SGTB: variants seen among roughly 807,000 people sequenced by gnomAD.
The protein encoded by SGTB is small glutamine-rich tetratricopeptide repeat-containing protein beta.
In SGTB, 19 loss-of-function variants were observed where a neutral mutation model predicts 43.9. That is an observed-to-expected ratio of 0.43 (90% confidence interval 0.30 to 0.63). The LOEUF (loss-of-function observed/expected upper bound fraction) is 0.63, where lower values mean the gene tolerates loss of function less well. Among genes scored for constraint, SGTB ranks in the 30% least tolerant of loss-of-function variants. SGTB has a pLI of 0.12. For missense variants in SGTB, 304 were observed against 358.9 expected, an observed-to-expected ratio of 0.85 and a Z score of 1.24; for synonymous variants, 116 against 117.3, an observed-to-expected ratio of 0.99 and a Z score of 0.07.
chr5:65,673,234 A>T (rs1438787645), intron 8 of SGTB, among the ~76,000 whole-genome samples: 1 of 152,240 alleles, frequency 6.6e-6, no homozygotes, highest in East Asian at 1.9e-4. Flanking sequence ...AATCAAATAC[A>T]TAAAGCTTCA....
chr5:65,711,803 C>T (rs1290499542), intron 3 of SGTB, among the ~76,000 whole-genome samples: 1 of 152,214 alleles, frequency 6.6e-6, no homozygotes, highest in East Asian at 1.9e-4. Flanking sequence ...CTGGAAGATC[C>T]AGTCAAGTGT....
chr5:65,712,826 C>T, intron 3 of SGTB, 135 bp downstream of exon 3: 2 of 579,576 alleles, frequency 3.5e-6, no homozygotes, highest in Non-Finnish European at 3.0e-6. Context: ...CAATTATATC[C>T]ATATAGACAG....
chr5:65,674,001 A>T (rs1757215205), intron 8 of SGTB, among the ~76,000 whole-genome samples: 1 of 152,154 alleles, frequency 6.6e-6, no homozygotes, highest in Non-Finnish European at 1.5e-5. Context: ...CTCTTCCCTC[A>T]GCTTGCTGAT....
intron 6 of SGTB, among the ~76,000 whole-genome samples, chr5:65,682,647 G>A (rs1193261316): frequency 6.6e-6 from 1 of 152,206 alleles, no homozygotes; most frequent in Non-Finnish European, 1.5e-5. Context: ...CTGTGCATGG[G>A]ATAGATAACT....
rs1484025390 is a variant in SGTB at position 65,708,520 on chromosome 5, A to T, written c.243T>A (p.Asp81Glu). 13 of 1,613,482 alleles carry T rather than the reference A, an allele frequency of 8.1e-6. No homozygotes were observed. The highest frequency in any genetic ancestry group is 1.0e-5 in the Non-Finnish European group (12 of 1,179,860). Residue 81 changes from aspartate (D) to glutamate (E), a missense_variant, in exon 4 of 11, where the codon GAT becomes GAA. By Grantham distance (45) the Asp-to-Glu change is conservative. Transcript: ENST00000381007. ...VLPLSNSVPEDVGKADQLKDE... is the reference protein window; with the variant it reads ...VLPLSNSVPEEVGKADQLKDE... ...CTTTTAATTGGTCAGCTTTTCCCAC[A>T]TCTTCAGGCACTGAGTTTGAAAGGG...
intron 2 of SGTB, 48 bp downstream of exon 2, chr5:65,720,660 C>T: frequency 1.9e-6 from 3 of 1,577,210 alleles, no homozygotes; most frequent in Non-Finnish European, 2.6e-6. Context: ...CTATTTTAGT[C>T]TTCGTTTATA....
intron 4 of SGTB, among the ~76,000 whole-genome samples, chr5:65,706,108 G>A (rs1388910979): frequency 1.3e-5 from 2 of 152,052 alleles, no homozygotes; most frequent in Non-Finnish European, 2.9e-5. Context: ...AGAAACTAAT[G>A]CATTGTACCC....
chr5:65,701,009 C>CAAAAAAA (rs1161067337), intron 5 of SGTB, among the ~76,000 whole-genome samples: 2 of 16,084 alleles, frequency 1.2e-4, no homozygotes, highest in African/African-American at 3.8e-4. Context: ...GACTCCGTCT[C>CAAAAAAA]AAAAAAAAAA....
intron 5 of SGTB, among the ~76,000 whole-genome samples, chr5:65,686,846 T>G (rs1757509321): frequency 6.6e-6 from 1 of 152,222 alleles, no homozygotes; most frequent in Non-Finnish European, 1.5e-5. Context: ...GTGAGGATCC[T>G]TGCTAATCCT....
At position 65,705,026 on chromosome 5, in the gene SGTB, G is replaced by C. The variant is rs183729253; in HGVS notation, c.275-648C>G. 7.2e-5 allele frequency among the ~76,000 whole-genome samples: 11 copies of C among 152,340 alleles called. No individual in the cohort carries two copies. In the East Asian group the frequency reaches 2.1e-3, roughly 29 times the overall value. ...CTGATTTTCAGGAAGGGCATCTGCA[G>C]ATACATCTGGCAGTAATTTAGCTAA... On this transcript the variant is annotated intron_variant, in intron 4 of 10. Transcript: ENST00000381007.
In SGTB at chr5:65,710,378, C is replaced by A. The variant is rs754884984; in HGVS notation, c.205-1820G>T. On this transcript the variant is annotated intron_variant, in intron 3 of 10. Coordinates refer to ENST00000381007, the MANE Select transcript of SGTB (RefSeq NM_019072.3). ...CCTTCTAAATTATTTGCGAAAATTG[C>A]CACTGTTTTATACTTTGAAAACTAA... is the stretch of plus-strand genomic sequence containing the variant. 4.9e-4 allele frequency among the ~76,000 whole-genome samples: 74 copies of A among 152,228 alleles called. 1 individual carries two copies. Among genetic ancestry groups the A allele is most frequent in the Middle Eastern group, 3.4e-3 (1 of 294 alleles).
chr5:65,722,202 G>C (rs892379699), upstream of SGTB: 7 of 337,760 alleles, frequency 2.1e-5, no homozygotes, highest in Admixed American at 5.1e-5. Flanking sequence ...GGGCGGGGCT[G>C]GTAGGCGCCG....
At chr5:65,700,570 A>G (rs1282551798) in intron 5 of SGTB, among the ~76,000 whole-genome samples, 1 of 151,196 alleles carries the variant, frequency 6.6e-6, no homozygotes, top group East Asian at 2.0e-4. Flanking sequence ...AGTCCCAGCC[A>G]CTTGGGAGGC....
At chr5:65,703,522 T>G (rs941744092) in intron 5 of SGTB, among the ~76,000 whole-genome samples, 12 of 151,786 alleles carry the variant, frequency 7.9e-5, no homozygotes, top group Admixed American at 7.9e-4. Flanking sequence ...CCTGGCCAAC[T>G]TGAACAGTGA....
At chr5:65,684,528 G>A (rs1472819529) in intron 6 of SGTB, among the ~76,000 whole-genome samples, 1 of 152,090 alleles carries the variant, frequency 6.6e-6, no homozygotes, top group African/African-American at 2.4e-5. Context: ...CTTAAAGCAT[G>A]AGTGGAGGCA....
intron 8 of SGTB, among the ~76,000 whole-genome samples, chr5:65,676,569 T>C (rs1361031385): frequency 6.6e-6 from 1 of 152,092 alleles, no homozygotes; most frequent in African/African-American, 2.4e-5. Flanking sequence ...TGACCTCAGC[T>C]CTGGATCAAG....
At chr5:65,696,033 C>T (rs1207444280) in intron 5 of SGTB, among the ~76,000 whole-genome samples, 3 of 152,178 alleles carry the variant, frequency 2.0e-5, no homozygotes, top group Non-Finnish European at 2.9e-5. Context: ...AAACAAAATG[C>T]GAAATAATGA....
chr5:65,721,451 G>T (rs909820169), intron 1 of SGTB, among the ~76,000 whole-genome samples: 9 of 152,262 alleles, frequency 5.9e-5, no homozygotes, highest in Admixed American at 5.9e-4. Context: ...GTGCTCTCGT[G>T]GACAAGCTGG....
intron 10 of SGTB, 87 bp downstream of exon 10, chr5:65,671,828 A>T (rs1044075864): frequency 1.7e-6 from 2 of 1,199,602 alleles, no homozygotes; most frequent in Non-Finnish European, 2.3e-6. Flanking sequence ...ATAAACATTT[A>T]AAAAGAAAGC....
Sources: gnomAD v4.1 joint callset for allele counts (sites outside exome capture counted in the v4.1 genomes callset) on GRCh38, gnomAD v4.1.1 for gene constraint, MANE v1.5 for transcripts, NCBI Gene and HGNC (gene_info 2026-07-23, HGNC 2026-07-21) for gene names.